SGCD: variants seen among roughly 807,000 people sequenced by gnomAD.
The protein encoded by SGCD is delta-sarcoglycan.
A neutral mutation model predicts 36.6 loss-of-function variants in SGCD; 18 were observed. That is an observed-to-expected ratio of 0.49 (90% CI 0.34 to 0.73). The LOEUF (loss-of-function observed/expected upper bound fraction) is 0.73. Ranked by LOEUF, SGCD falls within the 30% of genes least tolerant of loss-of-function variation. SGCD has a pLI of 0.01. For missense variants in SGCD, 387 were observed against 346.7 expected (o/e 1.12, Z -0.92); for synonymous variants, 133 against 130.6 (o/e 1.02, Z -0.12).
At chr5:156,529,160 C>G (rs1175703302) in intron 4 of SGCD, among the ~76,000 whole-genome samples, 1 of 152,036 alleles carries the variant, frequency 6.6e-6, no homozygotes, top group Non-Finnish European at 1.5e-5. Context: ...GGTGCGCCAG[C>G]TCACGTCTGT....
At chr5:156,608,850 G>A (rs201321225) in intron 6 of SGCD, among the ~76,000 whole-genome samples, 2 of 151,764 alleles carry the variant, frequency 1.3e-5, no homozygotes, top group African/African-American at 2.4e-5. Context: ...TGTTTTATCC[G>A]AGACTAGGAT....
At chr5:156,689,001 G>C (rs766224737) in intron 7 of SGCD, among the ~76,000 whole-genome samples, 18 of 152,122 alleles carry the variant, frequency 1.2e-4, no homozygotes, top group Non-Finnish European at 2.6e-4. Flanking sequence ...ATTTACACCT[G>C]AAAACAAGTT....
chr5:156,566,492 A>T lies in SGCD; in HGVS notation c.295-22739A>T, dbSNP rs944159045. Among the ~76,000 whole-genome samples, 5 of 150,180 alleles carry T rather than the reference A, an allele frequency of 3.3e-5. No homozygotes were observed. In the East Asian group the frequency reaches 7.7e-4, roughly 23 times the overall value. On this transcript the variant is annotated intron_variant, in intron 4 of 8. Transcript: ENST00000337851. Reference sequence around the variant, plus strand: ...TCTACTTAGCAGTCTGTGGTCTTCCATCCTTTACTTGAATGCCCTGTCACC... The same window carrying T: ...TCTACTTAGCAGTCTGTGGTCTTCCTTCCTTTACTTGAATGCCCTGTCACC...
At chr5:155,893,840 AG>A (rs1756189359) in intron 1 of SGCD, among the ~76,000 whole-genome samples, 1 of 152,262 alleles carries the variant, frequency 6.6e-6, no homozygotes, top group African/African-American at 2.4e-5. Context: ...TATAGCCTAT[AG>A]CCTATTACAT....
intron 3 of SGCD, among the ~76,000 whole-genome samples, chr5:156,166,053 C>G (rs1000790184): frequency 1.3e-5 from 2 of 149,782 alleles, no homozygotes; most frequent in Non-Finnish European, 3.0e-5. Context: ...TCCCTAATCT[C>G]TTAGATTCTA....
intron 3 of SGCD, among the ~76,000 whole-genome samples, chr5:156,501,704 G>C (rs892021601): frequency 6.6e-6 from 1 of 152,290 alleles, no homozygotes; most frequent in South Asian, 2.1e-4. Context: ...ATTTGCTCTT[G>C]TGTTTTTGAA....
chr5:156,234,026 C>T (rs984393326), intron 3 of SGCD, among the ~76,000 whole-genome samples: 8 of 152,280 alleles, frequency 5.3e-5, no homozygotes, highest in East Asian at 1.9e-4. Flanking sequence ...AATGAGAATT[C>T]CCATTGCTCT....
At chr5:156,472,462 G>C (rs1322971491) in intron 3 of SGCD, among the ~76,000 whole-genome samples, 3 of 152,088 alleles carry the variant, frequency 2.0e-5, no homozygotes, top group African/African-American at 7.2e-5. Flanking sequence ...CTGTAACCCA[G>C]TCTGGAGTGC....
chr5:155,885,690 C>G (rs1755982147), intron 1 of SGCD, among the ~76,000 whole-genome samples: 1 of 152,174 alleles, frequency 6.6e-6, no homozygotes, highest in Non-Finnish European at 1.5e-5. Context: ...TTCTATGTTA[C>G]TTTCAAAAAA....
At chr5:155,782,494 T>C in the SGCD span, among the ~76,000 whole-genome samples, 2 of 152,098 alleles carry the variant, frequency 1.3e-5, no homozygotes, top group African/African-American at 2.4e-5. Context: ...AAATACAGAC[T>C]AGTTCATTAT....
the SGCD span, among the ~76,000 whole-genome samples, chr5:155,754,666 C>G: frequency 6.6e-6 from 1 of 152,142 alleles, no homozygotes; most frequent in Non-Finnish European, 1.5e-5. Flanking sequence ...TTTAAACCAC[C>G]TAAGAGTGTT....
intron 1 of SGCD, among the ~76,000 whole-genome samples, chr5:155,949,219 T>G (rs776662417): frequency 5.9e-5 from 9 of 152,216 alleles, no homozygotes; most frequent in Non-Finnish European, 1.3e-4. Flanking sequence ...TTCCAACAGA[T>G]GCCTTTGTAA....
intron 3 of SGCD, among the ~76,000 whole-genome samples, chr5:156,376,106 A>G (rs928992575): frequency 1.3e-5 from 2 of 152,202 alleles, no homozygotes; most frequent in Non-Finnish European, 2.9e-5. Context: ...CAGTTTAACA[A>G]AATAGTTTGT....
the SGCD span, among the ~76,000 whole-genome samples, chr5:155,748,008 A>C: frequency 6.6e-6 from 1 of 152,154 alleles, no homozygotes; most frequent in Admixed American, 6.6e-5. Context: ...CACTATATTC[A>C]ATTAGCCTTA....
intron 4 of SGCD, among the ~76,000 whole-genome samples, chr5:156,511,363 C>G (rs1396901474): frequency 1.3e-5 from 2 of 152,196 alleles, no homozygotes; most frequent in Non-Finnish European, 2.9e-5. Flanking sequence ...ACTGTCTGTT[C>G]TCACCTGCAC....
At chr5:156,579,159 T>G (rs1581199107) in intron 4 of SGCD, among the ~76,000 whole-genome samples, 1 of 152,210 alleles carries the variant, frequency 6.6e-6, no homozygotes, top group Non-Finnish European at 1.5e-5. Flanking sequence ...CTGCCTTCAT[T>G]TCGTGATGTA....
At chr5:156,581,029 CTTTG>C (rs1760232993) in intron 4 of SGCD, among the ~76,000 whole-genome samples, 1 of 152,162 alleles carries the variant, frequency 6.6e-6, no homozygotes, top group Admixed American at 6.6e-5. Flanking sequence ...TTCTCCTCAT[CTTTG>C]TGGTTTTGTC....
At chr5:155,746,010 G>A in the SGCD span, among the ~76,000 whole-genome samples, 57 of 152,288 alleles carry the variant, frequency 3.7e-4, 1 homozygote, top group South Asian at 0.011. Flanking sequence ...CACATGTGCT[G>A]CAGTTGACAC....
At chr5:156,317,431 C>T (rs1208101853) in intron 3 of SGCD, among the ~76,000 whole-genome samples, 2 of 152,100 alleles carry the variant, frequency 1.3e-5, no homozygotes, top group African/African-American at 4.8e-5. Flanking sequence ...AAATTCCACA[C>T]TAGAGCCAAG....
Sources: gnomAD v4.1 joint callset for allele counts (sites outside exome capture counted in the v4.1 genomes callset) on GRCh38, gnomAD v4.1.1 for gene constraint, MANE v1.5 for transcripts, NCBI Gene and HGNC (gene_info 2026-07-23, HGNC 2026-07-21) for gene names.